The following PPP2R2B variants were observed in gnomAD, a reference collection of about 807,000 sequenced individuals.
The protein encoded by PPP2R2B is serine/threonine-protein phosphatase 2A 55 kDa regulatory subunit B beta isoform.
In PPP2R2B, 5 loss-of-function variants were observed where a neutral mutation model predicts 46.0. The ratio of observed to expected loss-of-function variants is 0.11; its 90% CI spans 0.06 to 0.23. The LOEUF (loss-of-function observed/expected upper bound fraction) is 0.23, where lower values mean the gene tolerates loss of function less well. PPP2R2B is among the 10% of genes least tolerant of loss of function. The pLI is 1.00. For missense variants in PPP2R2B, 367 were observed against 575.0 expected, an observed-to-expected ratio of 0.64 and a Z score of 3.70; for synonymous variants, 215 against 206.7, an observed-to-expected ratio of 1.04 and a Z score of -0.34.
At chr5:146,832,173 T>C (rs1758980771) in intron 2 of PPP2R2B, among the ~76,000 whole-genome samples, 1 of 152,136 alleles carries the variant, frequency 6.6e-6, no homozygotes, top group African/African-American at 2.4e-5. Context: ...AAAGTTATAG[T>C]CAGCTAAGCT....
intron 2 of PPP2R2B, among the ~76,000 whole-genome samples, chr5:146,821,875 C>T (rs1359811752): frequency 2.0e-5 from 3 of 152,104 alleles, no homozygotes; most frequent in East Asian, 1.9e-4. Flanking sequence ...TGTAAATTCC[C>T]ATTTATGCAA....
At chr5:146,986,469 G>A (rs1030248857) in intron 1 of PPP2R2B, among the ~76,000 whole-genome samples, 1 of 151,984 alleles carries the variant, frequency 6.6e-6, no homozygotes, top group Non-Finnish European at 1.5e-5. Flanking sequence ...AAGGCAAATT[G>A]GAAATTCAAA....
intron 4 of PPP2R2B, among the ~76,000 whole-genome samples, chr5:146,692,682 C>G (rs1352574950): frequency 6.6e-6 from 1 of 151,872 alleles, no homozygotes; most frequent in East Asian, 1.9e-4. Flanking sequence ...TACAGGCACC[C>G]ACCACCACGC....
At chr5:146,967,911 GA>G (rs1429448803) in intron 1 of PPP2R2B, among the ~76,000 whole-genome samples, 2 of 152,108 alleles carry the variant, frequency 1.3e-5, no homozygotes. Flanking sequence ...GCTAGTGATG[GA>G]AAAGAGGAAA....
rs1159264345 is a variant in PPP2R2B, at chr5:146,583,164, C to A, written c.*6783G>T. The A allele has an allele frequency of 6.6e-6, 1 of 152,224 alleles. No homozygotes were observed. Among genetic ancestry groups the A allele is most frequent in the East Asian group, 1.9e-4 (1 of 5,180 alleles). The allele number at this position is 152,224 out of a possible 1,614,324, so 9.4% of individuals were successfully genotyped here. On this transcript the variant is annotated 3_prime_UTR_variant, in exon 10 of 10. Transcript: ENST00000394411. The stretch of plus-strand genomic sequence containing the variant: ...TTTCTCTTCTCCTGGATAACTCACT[C>A]CCTTTATCTTTCGGATTTCACCTTG...
chr5:146,671,854 G>C (rs1055227599), intron 5 of PPP2R2B, among the ~76,000 whole-genome samples: 1 of 152,192 alleles, frequency 6.6e-6, no homozygotes, highest in African/African-American at 2.4e-5. Context: ...GTGACTCCAA[G>C]GGTGGTCTCA....
At chr5:146,698,317 A>AAAAAAAATAT (rs1250416449) in intron 3 of PPP2R2B, among the ~76,000 whole-genome samples, 173 bp from the exon 4 acceptor site, 12 of 85,648 alleles carry the variant, frequency 1.4e-4, no homozygotes, top group African/African-American at 2.0e-4. Context: ...AAAAAAAAAA[A>AAAAAAAATAT]ATATATATAT....
Position 146,783,366 on chromosome 5 carries a change from T to C in PPP2R2B, c.71-82224A>G, listed in dbSNP as rs188161392. On this transcript the variant is annotated intron_variant, in intron 2 of 9. Transcript: ENST00000394411. ...TGGTATAGCATAAGCCCTGATTTCA[T>C]TTAAAAGATATATGCATTGAATAAA... Among the ~76,000 whole-genome samples the C allele has an allele frequency of 1.2e-4, 18 of 152,350 alleles. No individual in the cohort carries two copies. The East Asian group carries it at 2.3e-3, about 20-fold the overall frequency.
intron 2 of PPP2R2B, among the ~76,000 whole-genome samples, chr5:146,761,027 A>G (rs1468512754): frequency 6.6e-6 from 1 of 152,202 alleles, no homozygotes; most frequent in Non-Finnish European, 1.5e-5. Context: ...GGTGCTGGAG[A>G]GGTTGTGGAG....
At chr5:146,879,536 A>G (rs319211), upstream of PPP2R2B, among the ~76,000 whole-genome samples, 5,926 of 152,258 alleles carry the variant, frequency 0.039, 400 homozygotes, top group African/African-American at 0.13. Context: ...TGAAGCACAG[A>G]AACATAAGCA....
intron 5 of PPP2R2B, among the ~76,000 whole-genome samples, chr5:146,655,009 G>A (rs1561807368): frequency 6.6e-6 from 1 of 152,234 alleles, no homozygotes; most frequent in Non-Finnish European, 1.5e-5. Context: ...GACAAGGGAT[G>A]TGCTGAGTGA....
chr5:146,707,288 C>A (rs2151176152), intron 2 of PPP2R2B: 5 of 1,547,228 alleles, frequency 3.2e-6, no homozygotes, highest in African/African-American at 1.4e-5. Flanking sequence ...AGGAACCGTA[C>A]CTTGTCGACG....
rs34632167 is a variant in PPP2R2B at position 146,915,447 on chromosome 5, TACAC to T, written c.79+140214_79+140217del. ...ATCCAAAGAAGTCATTCTACCTATG[TACAC>T]ACACACACACACACACACACACGTA... On this transcript the variant is annotated intron_variant, in intron 1 of 8. Transcript: ENST00000336640. 6.0e-3 allele frequency among the ~76,000 whole-genome samples: 891 copies of T among 147,596 alleles called. 8 individuals carry two copies. The highest frequency in any genetic ancestry group is 0.018 in the African/African-American group (706 of 40,182).
At chr5:146,632,838 G>A (rs1469739581) in intron 7 of PPP2R2B, among the ~76,000 whole-genome samples, 2 of 152,160 alleles carry the variant, frequency 1.3e-5, no homozygotes, top group African/African-American at 2.4e-5. Context: ...GTGGGAAAGG[G>A]CTGGATGTAT....
chr5:146,674,398 A>G (rs1777574262), intron 5 of PPP2R2B, among the ~76,000 whole-genome samples: 1 of 152,190 alleles, frequency 6.6e-6, no homozygotes, highest in Non-Finnish European at 1.5e-5. Context: ...ATAAGTAGAA[A>G]TAAGTCTGCC....
chr5:147,002,057 T>C (rs1330591249), intron 1 of PPP2R2B, among the ~76,000 whole-genome samples: 1 of 152,140 alleles, frequency 6.6e-6, no homozygotes. Context: ...TCCTGGGTCC[T>C]AATGCCTGTC....
chr5:146,983,034 T>C (rs1753246971), intron 1 of PPP2R2B, among the ~76,000 whole-genome samples: 1 of 152,070 alleles, frequency 6.6e-6, no homozygotes, highest in Non-Finnish European at 1.5e-5. Context: ...TTCAATTACA[T>C]TTTTATATAT....
chr5:146,851,403 A>C (rs2151382367), intron 2 of PPP2R2B, among the ~76,000 whole-genome samples: 2 of 152,276 alleles, frequency 1.3e-5, no homozygotes, highest in South Asian at 4.1e-4. Flanking sequence ...CACACAAATG[A>C]GTAAATAAAA....
At chr5:146,774,425 A>G (rs1423350304) in intron 2 of PPP2R2B, among the ~76,000 whole-genome samples, 4 of 152,202 alleles carry the variant, frequency 2.6e-5, no homozygotes, top group African/African-American at 9.7e-5. Flanking sequence ...AGTAAAAATC[A>G]AGGAAAACCT....
Sources: gnomAD v4.1 joint callset for allele counts (sites outside exome capture counted in the v4.1 genomes callset) on GRCh38, gnomAD v4.1.1 for gene constraint, MANE v1.5 for transcripts, NCBI Gene and HGNC (gene_info 2026-07-23, HGNC 2026-07-21) for gene names.